The following CCNJL variants were observed in gnomAD, a reference collection of about 807,000 sequenced individuals.
The protein encoded by CCNJL is cyclin-J-like protein.
A neutral mutation model predicts 33.4 loss-of-function variants in CCNJL; 33 were observed. The observed-to-expected ratio is 0.99, with a 90% CI of 0.75 to 1.32. The LOEUF is 1.32. Ranked by LOEUF, CCNJL falls within the 40% of genes most tolerant of loss-of-function variation. The pLI is 0.00. For missense variants in CCNJL, 512 were observed against 499.7 expected (o/e 1.02, Z -0.23); for synonymous variants, 227 against 220.9 (o/e 1.03, Z -0.24).
rs752290089 is a variant in CCNJL at position 160,253,743 on chromosome 5, T to C, written c.799A>G (p.Met267Val). Residue 267 changes from methionine to valine, a missense_variant, in exon 6 of 6, where the codon ATG becomes GTG. Met to Val is a conservative substitution (Grantham distance 21). Coordinates refer to ENST00000257536, the MANE Select transcript of CCNJL (RefSeq NM_001308173.3). ...AVAVKSQALA[M>V]VPGTPPTPTQ... The stretch of plus-strand genomic sequence containing the variant: ...GGGGTGGGGGGTGTGCCGGGCACCA[T>C]TGCCAAGGCCTGGCTCTTGACGGCT... 4.4e-5 allele frequency: 68 copies of C among 1,561,190 alleles called. No individual in the cohort carries two copies. The highest frequency in any genetic ancestry group is 7.2e-5 in the South Asian group (6 of 83,892).
At position 160,339,189 on chromosome 5, in the gene CCNJL, T is replaced by C. The variant is rs889858857; in HGVS notation, n.206+256A>G. On this transcript the variant is annotated intron_variant and non_coding_transcript_variant, in intron 1 of 7. Transcript: ENST00000377503. Reference sequence around the variant, plus strand: ...AACCTCAATCTCTATAAACAAGAGATGGCTTTGAAGATAGAGCAATAAAAT... The same window carrying C: ...AACCTCAATCTCTATAAACAAGAGACGGCTTTGAAGATAGAGCAATAAAAT... Among the ~76,000 whole-genome samples the C allele has an allele frequency of 2.8e-4, 43 of 152,038 alleles. 1 individual carries two copies. Among genetic ancestry groups the C allele is most frequent in the Non-Finnish European group, 1.6e-4 (11 of 68,018 alleles).
chr5:160,253,638 C>A lies in CCNJL; in HGVS notation c.904G>T (p.Val302Leu), dbSNP rs747988573. Residue 302 changes from valine (V) to leucine (L), a missense_variant, in exon 6 of 6, where the codon GTG (valine) becomes TTG (leucine). Coordinates refer to ENST00000257536, the MANE Select transcript of CCNJL (RefSeq NM_001308173.3). ...ATTLAQFQTPVQDLCLAYRDS... is the reference protein window; with the variant it reads ...ATTLAQFQTPLQDLCLAYRDS... ...CGATAGGCCAAGCATAGGTCCTGCA[C>A]GGGGGTCTGGAACTGTGCCAGGGTG... 6.2e-7 allele frequency: 1 copy of A among 1,612,322 alleles called. No homozygotes were observed. Among genetic ancestry groups the A allele is most frequent in the Non-Finnish European group, 8.5e-7 (1 of 1,179,076 alleles).
chr5:160,299,914 C>A (rs1404523745), intron 2 of CCNJL, among the ~76,000 whole-genome samples: 4 of 151,754 alleles, frequency 2.6e-5, no homozygotes, highest in Non-Finnish European at 4.4e-5. Context: ...CTAATGACTG[C>A]ACCATATTTT....
rs1340057955 is a variant in CCNJL, at chr5:160,320,992, TTCTTTCTCTC to T, written n.207-5497_207-5488del. Among the ~76,000 whole-genome samples, 9 of 77,882 alleles carry T rather than the reference TTCTTTCTCTC, an allele frequency of 1.2e-4. 1 individual carries two copies. Among genetic ancestry groups the T allele is most frequent in the African/African-American group, 5.9e-4 (9 of 15,188 alleles). The allele number at this position is 77,882 out of a possible 152,430, so 51.1% of individuals were successfully genotyped here. On this transcript the variant is annotated intron_variant and non_coding_transcript_variant, in intron 1 of 7. Transcript: ENST00000377503. ...TCTCTCCCTCCCTCTCTCTCTTTCTTTCTTTCTCTCTCTCTCTCTCTCTTTCTTTCTTTCT... is the reference window on the plus strand; with the variant it reads ...TCTCTCCCTCCCTCTCTCTCTTTCTTTCTCTCTCTCTCTTTCTTTCTTTCT...
intron 4 of CCNJL, 99 bp downstream of exon 4, chr5:160,259,370 G>T: frequency 4.7e-6 from 5 of 1,065,126 alleles, no homozygotes; most frequent in Non-Finnish European, 6.8e-6. Flanking sequence ...CAGTGAGAAG[G>T]CCTGATCTGG....
intron 3 of CCNJL, among the ~76,000 whole-genome samples, chr5:160,269,876 T>C (rs1211078717): frequency 6.6e-6 from 1 of 152,228 alleles, no homozygotes; most frequent in Non-Finnish European, 1.5e-5. Flanking sequence ...ACATCCGAGC[T>C]GTATGCTTTT....
intron 1 of CCNJL, among the ~76,000 whole-genome samples, chr5:160,321,120 T>C (rs1217247409): frequency 6.7e-6 from 1 of 150,040 alleles, no homozygotes; most frequent in Non-Finnish European, 1.5e-5. Context: ...CTCTTTTTTT[T>C]CCACCATGTG....
At chr5:160,300,559 A>G (rs1209658639) in intron 2 of CCNJL, among the ~76,000 whole-genome samples, 2 of 152,014 alleles carry the variant, frequency 1.3e-5, no homozygotes, top group African/African-American at 4.8e-5. Flanking sequence ...TTAGCTCATC[A>G]ATTATTGTTA....
At chr5:160,297,080 A>G (rs1762769902) in intron 2 of CCNJL, among the ~76,000 whole-genome samples, 2 of 152,208 alleles carry the variant, frequency 1.3e-5, no homozygotes, top group Non-Finnish European at 2.9e-5. Context: ...GTAAGCACCC[A>G]TTAAAAGTGG....
At chr5:160,302,154 T>C (rs1762945118) in intron 2 of CCNJL, among the ~76,000 whole-genome samples, 2 of 152,220 alleles carry the variant, frequency 1.3e-5, no homozygotes, top group Non-Finnish European at 2.9e-5. Context: ...ACTTCAATTT[T>C]TAAAAAATGA....
intron 2 of CCNJL, among the ~76,000 whole-genome samples, chr5:160,296,260 G>A (rs995268074): frequency 4.6e-5 from 7 of 152,198 alleles, no homozygotes; most frequent in Non-Finnish European, 8.8e-5. Context: ...CACTCTGCAG[G>A]TGCCCAATGA....
intron 3 of CCNJL, chr5:160,269,518 C>T: frequency 2.2e-6 from 1 of 456,470 alleles, no homozygotes; most frequent in Non-Finnish European, 4.4e-6. Context: ...CGTGTGGGCA[C>T]TGGGGACCCT....
In CCNJL at chr5:160,259,528, C is replaced by T. The variant is rs183961271; in HGVS notation, c.524G>A (p.Arg175His). 16 of 1,614,100 alleles carry T rather than the reference C, an allele frequency of 9.9e-6. No homozygotes were observed. The African/African-American group carries it at 1.3e-4, about 13-fold the overall frequency. The change falls in exon 4 of 6, where the codon CGC (arginine) becomes CAC (histidine). Residue 175 changes from arginine to histidine, a missense_variant. Arg to His is a conservative substitution (Grantham distance 29). Transcript: ENST00000257536. The stretch of plus-strand genomic sequence containing the variant: ...CTCCTTGAGGCACTCTTTGGTCTTG[C>T]GGGGGCAGGTGGTGGGCCAGGTGTG... ...HCHTWPTTCP[R>H]KTKECLKEYA...
rs1453117874 is a variant in CCNJL at position 160,321,051 on chromosome 5, TTTCTTTCTTTCTTTCTTTCTTTCTTTC to T, written n.207-5573_207-5547del. On this transcript the variant is annotated intron_variant and non_coding_transcript_variant, in intron 1 of 7. Transcript: ENST00000377503. ...CTTTCTTTCTTTCTTTCTTTCTTTC[TTTCTTTCTTTCTTTCTTTCTTTCTTTC>T]TTTCTTTCTTTCCTTCTCTCTTTCT... is the stretch of plus-strand genomic sequence containing the variant. Among the ~76,000 whole-genome samples, 111 of 124,864 alleles carry T rather than the reference TTTCTTTCTTTCTTTCTTTCTTTCTTTC, an allele frequency of 8.9e-4. 7 individuals are homozygous for T. The highest frequency in any genetic ancestry group is 4.4e-3 in the African/African-American group (106 of 24,042). The allele number at this position is 124,864 out of a possible 152,430, so 81.9% of individuals were successfully genotyped here. A position where few individuals can be genotyped will look rare whatever the true frequency, so the allele number is the denominator to read the frequency against.
At chr5:160,261,760 T>C (rs1761346689) in intron 3 of CCNJL, among the ~76,000 whole-genome samples, 1 of 152,176 alleles carries the variant, frequency 6.6e-6, no homozygotes, top group African/African-American at 2.4e-5. Flanking sequence ...CCTCCAGATA[T>C]TAAACGGACT....
At chr5:160,317,798 C>T (rs1763395878), upstream of CCNJL, among the ~76,000 whole-genome samples, 2 of 152,150 alleles carry the variant, frequency 1.3e-5, no homozygotes, top group South Asian at 4.1e-4. Flanking sequence ...ATTCTGGGTA[C>T]TAGAAGTCCC....
At position 160,250,584 on chromosome 5, in the gene CCNJL, C is replaced by G. The variant is rs1030255133; in HGVS notation, c.*2794G>C. Reference sequence around the variant, plus strand: ...GAAGCTGGGTAGGTAGAGGGCAAGACAGAAGTCTTGAGTGAGACTCCCTTC... The same window carrying G: ...GAAGCTGGGTAGGTAGAGGGCAAGAGAGAAGTCTTGAGTGAGACTCCCTTC... On this transcript the variant is annotated 3_prime_UTR_variant, in exon 6 of 6. Coordinates refer to ENST00000257536, the MANE Select transcript of CCNJL (RefSeq NM_001308173.3). 4 of 152,214 alleles carry G rather than the reference C, an allele frequency of 2.6e-5. No homozygotes were observed. The highest frequency in any genetic ancestry group is 7.2e-5 in the African/African-American group (3 of 41,458). The allele number at this position is 152,214 out of a possible 1,614,324, so 9.4% of individuals were successfully genotyped here.
intron 1 of CCNJL, among the ~76,000 whole-genome samples, chr5:160,326,198 G>T (rs1486879051): frequency 2.6e-5 from 4 of 152,020 alleles, no homozygotes; most frequent in Non-Finnish European, 5.9e-5. Context: ...GCCGGGTGGG[G>T]TGTGGGTAGG....
chr5:160,333,200 G>T (rs1239750682), intron 1 of CCNJL, among the ~76,000 whole-genome samples: 1 of 150,730 alleles, frequency 6.6e-6, no homozygotes, highest in Non-Finnish European at 1.5e-5. Flanking sequence ...TCGGCTCATT[G>T]CAAGCTCCGC....
Sources: gnomAD v4.1 joint callset for allele counts (sites outside exome capture counted in the v4.1 genomes callset) on GRCh38, gnomAD v4.1.1 for gene constraint, MANE v1.5 for transcripts, NCBI Gene and HGNC (gene_info 2026-07-23, HGNC 2026-07-21) for gene names.